Variants in SLC17A9 observed in about 807,000 individuals in gnomAD.
The protein encoded by SLC17A9 is voltage-gated purine nucleotide uniporter SLC17A9.
A neutral mutation model predicts 55.0 loss-of-function variants in SLC17A9; 49 were observed. The observed-to-expected ratio is 0.89, with a 90% CI of 0.71 to 1.13. The LOEUF (loss-of-function observed/expected upper bound fraction) is 1.13. Ranked by LOEUF, SLC17A9 falls within the 50% of genes most tolerant of loss-of-function variation. The probability of loss-of-function intolerance (pLI) is 0.00; values close to 1 mark genes in which losing one functional copy is unlikely to be tolerated. For synonymous variants in SLC17A9, 256 were observed against 247.4 expected (o/e 1.03, Z -0.32); for missense variants, 526 against 569.3 (o/e 0.92, Z 0.77).
Position 62,969,196 on chromosome 20 carries a change from TCTC to T in SLC17A9, c.*1703_*1705del, listed in dbSNP as rs1332552240. On this transcript the variant is annotated 3_prime_UTR_variant, in exon 13 of 13. Coordinates refer to ENST00000370351, the MANE Select transcript of SLC17A9 (RefSeq NM_022082.4). ...TGCGTTGTGAATGAATTGCTGTCTC[TCTC>T]CTCCTCATCTTGCACTAAATCTACA... 1.3e-5 allele frequency: 2 copies of T among 152,222 alleles called. No homozygotes were observed. The highest frequency in any genetic ancestry group is 6.5e-5 in the Admixed American group (1 of 15,280). 9.4% of individuals were successfully genotyped at this position (152,222 alleles called of 1,614,324 possible).
At chr20:62,964,168 C>A in intron 7 of SLC17A9, 60 bp from the exon 8 acceptor site, 1 of 1,561,066 alleles carries the variant, frequency 6.4e-7, no homozygotes, top group Non-Finnish European at 8.8e-7. Context: ...CCTGAGTATC[C>A]TCTTCCAGAT....
chr20:62,966,564 C>A lies in SLC17A9; in HGVS notation c.1101C>A (p.Cys367Ter), dbSNP rs778254246. The A allele has an allele frequency of 9.9e-6, 16 of 1,608,908 alleles. No homozygotes were observed. Among genetic ancestry groups the A allele is most frequent in the Non-Finnish European group, 1.4e-5 (16 of 1,178,352 alleles). The part of the protein sequence containing the change: ...SVNIQDLAPS[C>*]AGFLFGVANT... ...ACATCCAGGACTTGGCCCCGTCCTG[C>A]GCCGGCTTTCTGTTTGGTGAGGACC... The change falls in exon 11 of 13, where the codon TGC (cysteine) becomes TGA (stop). Residue 367 changes from cysteine (C) to a stop codon, truncating the protein, a stop_gained. Coordinates refer to ENST00000370351, the MANE Select transcript of SLC17A9 (RefSeq NM_022082.4). LOFTEE classifies it high-confidence loss of function.
intron 1 of SLC17A9, among the ~76,000 whole-genome samples, chr20:62,954,842 TTC>T (rs1164846646): frequency 3.1e-4 from 47 of 152,358 alleles, no homozygotes; most frequent in African/African-American, 8.4e-4. Flanking sequence ...TGGCTCTGTG[TTC>T]TCAGTCCTGT....
At position 62,966,518 on chromosome 20, in the gene SLC17A9, C is replaced by T; in HGVS notation, c.1062-7C>T. The T allele has an allele frequency of 6.2e-7, 1 of 1,613,920 alleles. No individual in the cohort carries two copies. The highest frequency in any genetic ancestry group is 2.2e-5 in the East Asian group (1 of 44,870). Reference sequence around the variant, plus strand: ...GGGCCACTCACCACCCTCTTTCCTCCCCACAGTGGCATTTCTGTTAACATC... The same window carrying T: ...GGGCCACTCACCACCCTCTTTCCTCTCCACAGTGGCATTTCTGTTAACATC... On this transcript the variant is annotated splice_region_variant and splice_polypyrimidine_tract_variant and intron_variant, in intron 10 of 12. Coordinates refer to ENST00000370351, the MANE Select transcript of SLC17A9 (RefSeq NM_022082.4).
At position 62,965,742 on chromosome 20, in the gene SLC17A9, C is replaced by T. The variant is rs748752973; in HGVS notation, c.1061+17C>T. 2.5e-6 allele frequency: 4 copies of T among 1,611,328 alleles called. No homozygotes were observed. The highest frequency in any genetic ancestry group is 1.7e-4 in the Middle Eastern group (1 of 6,044). ...CAACCACAGGTGAGGGCCGACTGCT[C>T]CATCCACCAGAGCGCCGTGCTGCCC... On this transcript the variant is annotated intron_variant, in intron 10 of 12. Transcript: ENST00000370351.
In SLC17A9 at chr20:62,967,723, C is replaced by T. The variant is rs1277213705; in HGVS notation, c.*223C>T. 5.8e-6 allele frequency: 3 copies of T among 516,950 alleles called. No homozygotes were observed. The highest frequency in any genetic ancestry group is 1.9e-5 in the African/African-American group (1 of 51,728). 32.0% of individuals were successfully genotyped at this position (516,950 alleles called of 1,614,324 possible). A position where few individuals can be genotyped will look rare whatever the true frequency, so the allele number is the denominator to read the frequency against. On this transcript the variant is annotated 3_prime_UTR_variant, in exon 13 of 13. Transcript: ENST00000370351. ...CTCGCTGCTCTCTGGGCCTCAGTTT[C>T]CCCACCTGCCAGCGGGCTCGGCCCT...
chr20:62,967,580 C>G lies in SLC17A9; in HGVS notation c.*80C>G. 1.4e-6 allele frequency: 2 copies of G among 1,448,900 alleles called. No homozygotes were observed. Among genetic ancestry groups the G allele is most frequent in the Non-Finnish European group, 1.9e-6 (2 of 1,076,010 alleles). The allele number at this position is 1,448,900 out of a possible 1,614,324, so 89.8% of individuals were successfully genotyped here. ...GGGGACTCAGTGTGTGGGACTTGGTCACTCCATGTCAGACACACGAGCAGA... is the reference window on the plus strand; with the variant it reads ...GGGGACTCAGTGTGTGGGACTTGGTGACTCCATGTCAGACACACGAGCAGA... On this transcript the variant is annotated 3_prime_UTR_variant, in exon 13 of 13. Coordinates refer to ENST00000370351, the MANE Select transcript of SLC17A9 (RefSeq NM_022082.4).
chr20:62,953,035 T>A, intron 1 of SLC17A9, 146 bp downstream of exon 1: 2 of 1,191,020 alleles, frequency 1.7e-6, no homozygotes. Flanking sequence ...CCTGTGTTCC[T>A]TGTGGGAGGT....
rs2065650540 is a variant in SLC17A9 at position 62,967,405 on chromosome 20, C to A, written c.1216C>A (p.Leu406Ile). ...TTGSWTCLFN[L>I]VAIISNLGLC... ...GGGCTCCTGGACTTGCCTGTTCAAC[C>A]TTGTGGCCATCATCAGCAACCTGGG... Residue 406 changes from leucine to isoleucine, a missense_variant, in exon 13 of 13, where the codon CTT becomes ATT. By Grantham distance (5) the Leu-to-Ile change is conservative (BLOSUM62 2). Transcript: ENST00000370351. 1.9e-6 allele frequency: 3 copies of A among 1,614,208 alleles called. No individual in the cohort carries two copies. Among genetic ancestry groups the A allele is most frequent in the Non-Finnish European group, 2.5e-6 (3 of 1,180,024 alleles).
chr20:62,967,728 C>T lies in SLC17A9; in HGVS notation c.*228C>T, dbSNP rs78429274. On this transcript the variant is annotated 3_prime_UTR_variant, in exon 13 of 13. Transcript: ENST00000370351. ...TGCTCTCTGGGCCTCAGTTTCCCCA[C>T]CTGCCAGCGGGCTCGGCCCTGTCCT... 2,105 of 510,326 alleles carry T rather than the reference C, an allele frequency of 4.1e-3. 41 individuals carry two copies. The highest frequency in any genetic ancestry group is 0.033 in the African/African-American group (1,705 of 51,736). The allele number at this position is 510,326 out of a possible 1,614,324, so 31.6% of individuals were successfully genotyped here. A position where few individuals can be genotyped will look rare whatever the true frequency, so the allele number is the denominator to read the frequency against.
At position 62,968,590 on chromosome 20, in the gene SLC17A9, A is replaced by G. The variant is rs1213295036; in HGVS notation, c.*1090A>G. 6.6e-6 allele frequency: 1 copy of G among 152,270 alleles called. No homozygotes were observed. Among genetic ancestry groups the G allele is most frequent in the Non-Finnish European group, 1.5e-5 (1 of 68,050 alleles). 9.4% of individuals were successfully genotyped at this position (152,270 alleles called of 1,614,324 possible). A position where few individuals can be genotyped will look rare whatever the true frequency, so the allele number is the denominator to read the frequency against. On this transcript the variant is annotated 3_prime_UTR_variant, in exon 13 of 13. Transcript: ENST00000370351. ...TTAAATAATAACTATTAAACTATTC[A>G]AAAAGAAGACTGTTATTTTATTTAA...
intron 1 of SLC17A9, among the ~76,000 whole-genome samples, chr20:62,955,459 A>C (rs2065529073): frequency 6.6e-6 from 1 of 152,052 alleles, no homozygotes; most frequent in East Asian, 1.9e-4. Flanking sequence ...GCTAATTTTT[A>C]AAGTTTTTTT....
intron 1 of SLC17A9, among the ~76,000 whole-genome samples, chr20:62,954,026 G>A (rs957731343): frequency 5.9e-5 from 9 of 152,230 alleles, no homozygotes; most frequent in African/African-American, 1.2e-4. Context: ...GAGTGGCTCC[G>A]CCTTCACTAC....
intron 1 of SLC17A9, 127 bp downstream of exon 1, chr20:62,953,016 G>A: frequency 7.9e-7 from 1 of 1,264,304 alleles, no homozygotes; most frequent in Non-Finnish European, 1.1e-6. Flanking sequence ...TCCTCTGGCT[G>A]TGGGGCCCCC....
Position 62,960,484 on chromosome 20 carries a change from C to T in SLC17A9, c.398-20C>T. The T allele has an allele frequency of 6.2e-7, 1 of 1,605,106 alleles. No individual in the cohort carries two copies. Among genetic ancestry groups the T allele is most frequent in the East Asian group, 2.2e-5 (1 of 44,678 alleles). ...CCTCCCTGGATGGACCCTGAGAGACCCTCCCTCCACTTGTTGCAGGGGTTT... is the reference window on the plus strand; with the variant it reads ...CCTCCCTGGATGGACCCTGAGAGACTCTCCCTCCACTTGTTGCAGGGGTTT... On this transcript the variant is annotated intron_variant, in intron 3 of 12. Coordinates refer to ENST00000370351, the MANE Select transcript of SLC17A9 (RefSeq NM_022082.4).
chr20:62,963,248 C>T (rs1265326346), intron 5 of SLC17A9, 25 bp from the exon 6 acceptor site: 1 of 1,610,418 alleles, frequency 6.2e-7, no homozygotes, highest in South Asian at 1.1e-5. Flanking sequence ...TGATAGCCAT[C>T]AGTTTGAAAC....
chr20:62,953,280 G>T, intron 1 of SLC17A9: 1 of 1,548,916 alleles, frequency 6.5e-7, no homozygotes, highest in Non-Finnish European at 8.7e-7. Flanking sequence ...CAGGTAGGGG[G>T]CACGGGCTGG....
intron 1 of SLC17A9, among the ~76,000 whole-genome samples, chr20:62,954,821 A>AGGCCCTGGAGTGGCTCTGTGTTCTC (rs2065522159): frequency 6.6e-6 from 1 of 152,202 alleles, no homozygotes; most frequent in Admixed American, 6.5e-5. Context: ...CCTTCCAAGG[A>AGGCCCTGGAGTGGCTCTGTGTTCTC]GGCCCTGGAG....
rs369879612 is a variant in SLC17A9 at position 62,963,320 on chromosome 20, A to G, written c.676A>G (p.Arg226Gly). Reference sequence around the variant, plus strand: ...CCTGGCCCAAAGCCGGCCGGTGTCCAGGCACAACAGAGTCCCCTGGAGACG... The same window carrying G: ...CCTGGCCCAAAGCCGGCCGGTGTCCGGGCACAACAGAGTCCCCTGGAGACG... ...GVLAQSRPVS[R>G]HNRVPWRRLF... Residue 226 changes from arginine (R) to glycine (G), a missense_variant, in exon 6 of 13, where the codon AGG becomes GGG. Arg to Gly is a moderately radical substitution (Grantham distance 125). Transcript: ENST00000370351. The G allele has an allele frequency of 2.5e-6, 4 of 1,613,726 alleles. No homozygotes were observed. The highest frequency in any genetic ancestry group is 3.4e-6 in the Non-Finnish European group (4 of 1,180,034).
Sources: gnomAD v4.1 joint callset for allele counts (sites outside exome capture counted in the v4.1 genomes callset) on GRCh38, gnomAD v4.1.1 for gene constraint, MANE v1.5 for transcripts, NCBI Gene and HGNC (gene_info 2026-07-23, HGNC 2026-07-21) for gene names.